Variants in PSMB6 observed in about 807,000 individuals in gnomAD.
The protein encoded by PSMB6 is proteasome subunit beta type-6.
Under a neutral mutation model 28.2 loss-of-function variants are expected in PSMB6, and 11 were observed. The observed-to-expected ratio is 0.39, with a 90% confidence interval of 0.25 to 0.65. PSMB6 has a LOEUF of 0.65. Ranked by LOEUF, PSMB6 falls within the 30% of genes least tolerant of loss-of-function variation. PSMB6 has a pLI of 0.48. For missense variants in PSMB6, 268 were observed against 319.4 expected, an observed-to-expected ratio of 0.84 and a Z score of 1.23; for synonymous variants, 126 against 117.7, an observed-to-expected ratio of 1.07 and a Z score of -0.45.
intron 2 of PSMB6, 130 bp downstream of exon 2, chr17:4,796,925 T>G: frequency 1.2e-6 from 1 of 818,842 alleles, no homozygotes; most frequent in Non-Finnish European, 2.0e-6. Flanking sequence ...AGATAAAGAT[T>G]TGTCCCAACT....
At chr17:4,796,888 GGGAAGA>G in intron 2 of PSMB6, 93 bp downstream of exon 2, 13 of 1,062,742 alleles carry the variant, frequency 1.2e-5, no homozygotes, top group Non-Finnish European at 1.8e-5. Flanking sequence ...AGACCACTGT[GGGAAGA>G]GAGGTTTCTT....
intron 5 of PSMB6, 41 bp from the exon 6 acceptor site, chr17:4,798,239 G>C: frequency 6.2e-7 from 1 of 1,612,440 alleles, no homozygotes; most frequent in African/African-American, 1.3e-5. Context: ...CAGTGATCCC[G>C]GCATCTGAAT....
intron 4 of PSMB6, 55 bp from the exon 5 acceptor site, chr17:4,797,954 G>T: frequency 6.2e-7 from 1 of 1,610,176 alleles, no homozygotes; most frequent in South Asian, 1.1e-5. Flanking sequence ...ACAGGTGAAT[G>T]TACGTGTGTT....
chr17:4,798,187 A>C, intron 5 of PSMB6, 34 bp downstream of exon 5: 1 of 1,613,826 alleles, frequency 6.2e-7, no homozygotes, highest in Non-Finnish European at 8.5e-7. Context: ...TATGAGCTTC[A>C]ACCCCAACTA....
In PSMB6 at chr17:4,796,306, G is replaced by A. The variant is rs762740828; in HGVS notation, c.102+10G>A. 2.6e-6 allele frequency: 4 copies of A among 1,558,832 alleles called. No homozygotes were observed. The highest frequency in any genetic ancestry group is 3.5e-6 in the Non-Finnish European group (4 of 1,149,472). On this transcript the variant is annotated intron_variant, in intron 1 of 5. Transcript: ENST00000270586. Reference sequence around the variant, plus strand: ...AGAAGTTTCCACTGGGGTGAGGAAGGAATCGGGGTTCATAGGACGTGCACA... The same window carrying A: ...AGAAGTTTCCACTGGGGTGAGGAAGAAATCGGGGTTCATAGGACGTGCACA...
chr17:4,797,242 G>A lies in PSMB6; in HGVS notation c.171-196G>A, dbSNP rs544988443. On this transcript the variant is annotated intron_variant, in intron 2 of 5. Coordinates refer to ENST00000270586, the MANE Select transcript of PSMB6 (RefSeq NM_002798.3). The stretch of plus-strand genomic sequence containing the variant: ...GGGCTAGAGAATCGCTTGGACCCAG[G>A]AGGTGGATGTTGCAGTGAGCAGAGA... 58 of 617,856 alleles carry A rather than the reference G, an allele frequency of 9.4e-5. No individual in the cohort carries two copies. The South Asian group carries it at 1.5e-3, about 16-fold the overall frequency. 38.3% of individuals were successfully genotyped at this position (617,856 alleles called of 1,614,324 possible). A position where few individuals can be genotyped will look rare whatever the true frequency, so the allele number is the denominator to read the frequency against.
chr17:4,798,343 CAG>C lies in PSMB6; in HGVS notation c.644_645del (p.Glu215ValfsTer?). 1 of 1,614,248 alleles carries C rather than the reference CAG, an allele frequency of 6.2e-7. No homozygotes were observed. Among genetic ancestry groups the C allele is most frequent in the Non-Finnish European group, 8.5e-7 (1 of 1,180,048 alleles). ...GGAGTGATCCGCCTGGCAGCCATTG[CAG>C]AGTCAGGGGTAGAGCGGCAAGTACT... is the stretch of plus-strand genomic sequence containing the variant. On this transcript the variant is annotated frameshift_variant, in exon 6 of 6. Transcript: ENST00000270586. LOFTEE classifies it high-confidence loss of function.
At chr17:4,797,086 G>T in intron 2 of PSMB6, 1 of 436,456 alleles carries the variant, frequency 2.3e-6, no homozygotes, top group Non-Finnish European at 4.1e-6. Flanking sequence ...GGCCGAGGCG[G>T]GTGGATCACC....
chr17:4,796,916 G>A (rs1043502464), intron 2 of PSMB6, 121 bp downstream of exon 2: 5 of 864,044 alleles, frequency 5.8e-6, no homozygotes, highest in African/African-American at 5.1e-5. Context: ...TCTCTCTGGA[G>A]ATAAAGATTT....
At chr17:4,796,345 T>C in intron 1 of PSMB6, 49 bp downstream of exon 1, 1 of 1,425,594 alleles carries the variant, frequency 7.0e-7, no homozygotes, top group Non-Finnish European at 9.6e-7. Context: ...CCTGACGCGA[T>C]GGGAAGATAA....
rs1905384411 is a variant in PSMB6 at position 4,797,760 on chromosome 17, C to T, written c.381C>T (p.Asp127=). Residue 127 remains aspartate, a synonymous_variant, in exon 4 of 6, where the codon GAC becomes GAT. Coordinates refer to ENST00000270586, the MANE Select transcript of PSMB6 (RefSeq NM_002798.3). ...AGATGTGTTACCGATACCGGGAAGA[C>T]CTGATGGCGGGAATCATCATCGCAG... ...FKEMCYRYRE[D]LMAGIIIAGW... is the part of the protein sequence containing the mutation. 6.2e-7 allele frequency: 1 copy of T among 1,614,160 alleles called. No individual in the cohort carries two copies. Among genetic ancestry groups the T allele is most frequent in the African/African-American group, 1.3e-5 (1 of 75,044 alleles).
In PSMB6 at chr17:4,797,476, C is replaced by G. The variant is rs771829144; in HGVS notation, c.209C>G (p.Pro70Arg). 17 of 1,597,458 alleles carry G rather than the reference C, an allele frequency of 1.1e-5. No individual in the cohort carries two copies. The highest frequency in any genetic ancestry group is 1.5e-5 in the Non-Finnish European group (17 of 1,169,252). ...AATCGAGTGACTGACAAGCTGACAC[C>G]TATTCACGACCGCATTTTCTGCTGT... is the stretch of plus-strand genomic sequence containing the variant. ...IANRVTDKLT[P>R]IHDRIFCCRS... The change falls in exon 3 of 6, where the codon CCT becomes CGT. Residue 70 changes from proline (P) to arginine (R), a missense_variant. By Grantham distance (103) the Pro-to-Arg change is moderately radical. Transcript: ENST00000270586.
chr17:4,796,767 C>G lies in PSMB6; in HGVS notation c.142C>G (p.Leu48Val). The G allele has an allele frequency of 6.2e-7, 1 of 1,609,610 alleles. No homozygotes were observed. The highest frequency in any genetic ancestry group is 8.5e-7 in the Non-Finnish European group (1 of 1,175,942). Residue 48 changes from leucine (L) to valine (V), a missense_variant, in exon 2 of 6, where the codon CTG (leucine) becomes GTG (valine). Leu to Val is a conservative substitution (Grantham distance 32, BLOSUM62 1). Coordinates refer to ENST00000270586, the MANE Select transcript of PSMB6 (RefSeq NM_002798.3). Reference sequence around the variant, plus strand: ...CGTGCAGTTTGACGGGGGCGTGGTTCTGGGGGCGGACTCCAGAACAACCAC... The same window carrying G: ...CGTGCAGTTTGACGGGGGCGTGGTTGTGGGGGCGGACTCCAGAACAACCAC... Reference protein sequence around the residue: ...MAVQFDGGVVLGADSRTTTGS... With the variant: ...MAVQFDGGVVVGADSRTTTGS...
In PSMB6 at chr17:4,796,312, G is replaced by A. The variant is rs751449213; in HGVS notation, c.102+16G>A. 5 of 1,549,400 alleles carry A rather than the reference G, an allele frequency of 3.2e-6. No individual in the cohort carries two copies. In the African/African-American group the frequency reaches 5.5e-5, roughly 17 times the overall value. On this transcript the variant is annotated intron_variant, in intron 1 of 5. Coordinates refer to ENST00000270586, the MANE Select transcript of PSMB6 (RefSeq NM_002798.3). ...TTCCACTGGGGTGAGGAAGGAATCG[G>A]GGTTCATAGGACGTGCACAAGGCCT...
chr17:4,798,183 C>T (rs778304399), intron 5 of PSMB6, 30 bp downstream of exon 5: 12 of 1,613,814 alleles, frequency 7.4e-6, no homozygotes, highest in Non-Finnish European at 9.3e-6. Flanking sequence ...GGCCTATGAG[C>T]TTCAACCCCA....
In PSMB6 at chr17:4,798,028, G is replaced by T; in HGVS notation, c.452G>T (p.Gly151Val). 1.9e-6 allele frequency: 3 copies of T among 1,614,164 alleles called. No individual in the cohort carries two copies. Among genetic ancestry groups the T allele is most frequent in the Non-Finnish European group, 2.5e-6 (3 of 1,180,022 alleles). ...EGGQVYSVPM[G>V]GMMVRQSFAI... is the part of the protein sequence containing the mutation. The stretch of plus-strand genomic sequence containing the variant: ...TGGCAGGTGTACTCAGTGCCTATGG[G>T]GGGTATGATGGTAAGGCAGTCCTTT... Residue 151 changes from glycine to valine, a missense_variant, in exon 5 of 6, where the codon GGG (glycine) becomes GTG (valine). By Grantham distance (109) the Gly-to-Val change is moderately radical. Coordinates refer to ENST00000270586, the MANE Select transcript of PSMB6 (RefSeq NM_002798.3).
chr17:4,797,093 C>T, intron 2 of PSMB6: 2 of 433,320 alleles, frequency 4.6e-6, no homozygotes, highest in East Asian at 4.6e-5. Context: ...GCGGGTGGAT[C>T]ACCTGAGGTC....
chr17:4,796,699 T>C (rs574793966), intron 1 of PSMB6, 29 bp from the exon 2 acceptor site: 21 of 1,551,740 alleles, frequency 1.4e-5, no homozygotes, highest in African/African-American at 9.5e-5. Flanking sequence ...CTGGAGAATG[T>C]AGACTTACTC....
At chr17:4,797,376 AG>A in intron 2 of PSMB6, 61 bp from the exon 3 acceptor site, 1 of 1,510,950 alleles carries the variant, frequency 6.6e-7, no homozygotes, top group Non-Finnish European at 8.9e-7. Context: ...GAGAGTGGGT[AG>A]TGATGGGATG....
Sources: allele counts gnomAD v4.1 joint callset, GRCh38; gene constraint gnomAD v4.1.1; transcripts MANE v1.5; gene names NCBI Gene and HGNC (gene_info 2026-07-23, HGNC 2026-07-21).